Variants in RIPK2 observed in about 807,000 individuals in gnomAD.
RIPK2 encodes receptor-interacting serine/threonine-protein kinase 2.
In RIPK2, 38 loss-of-function variants were observed where a neutral mutation model predicts 60.9. That is an observed-to-expected ratio of 0.62 (90% CI 0.48 to 0.82). RIPK2 has a LOEUF of 0.82. Ranked by LOEUF, RIPK2 falls within the 40% of genes least tolerant of loss-of-function variation. The pLI is 0.00. For synonymous variants in RIPK2, 225 were observed against 223.4 expected (o/e 1.01, Z -0.06); for missense variants, 518 against 647.0 (o/e 0.80, Z 2.16).
At position 89,758,029 on chromosome 8, in the gene RIPK2, C is replaced by T. The variant is rs1809077724; in HGVS notation, c.-32C>T. The T allele has an allele frequency of 6.5e-7, 1 of 1,533,996 alleles. No homozygotes were observed. ...CCTTGGGAGCCGCCGCAGCAGGGGG[C>T]ACACCCGGAACCGGCCTGAGCGCCC... On this transcript the variant is annotated 5_prime_UTR_variant, in exon 1 of 11. Transcript: ENST00000220751.
intron 8 of RIPK2, 55 bp downstream of exon 8, chr8:89,784,194 A>C (rs1464660299): frequency 3.1e-5 from 36 of 1,150,136 alleles, no homozygotes; most frequent in Non-Finnish European, 4.3e-5. Context: ...TGTGAGAAGA[A>C]TTTGAAAAAA....
At chr8:89,787,889 TGAAA>T (rs1224630079) in intron 9 of RIPK2, among the ~76,000 whole-genome samples, 2 of 152,056 alleles carry the variant, frequency 1.3e-5, no homozygotes, top group African/African-American at 4.8e-5. Flanking sequence ...CGATACAGAA[TGAAA>T]GAAAGGAGGG....
intron 6 of RIPK2, among the ~76,000 whole-genome samples, chr8:89,775,732 A>G (rs43134): frequency 0.66 from 99,937 of 151,942 alleles, 34,658 homozygotes; most frequent in African/African-American, 0.89. Flanking sequence ...AGATCTGGTT[A>G]TAGAACCCTG....
intron 7 of RIPK2, among the ~76,000 whole-genome samples, chr8:89,783,338 C>T (rs1171597288): frequency 6.6e-6 from 1 of 152,166 alleles, no homozygotes; most frequent in African/African-American, 2.4e-5. Flanking sequence ...TTAAGTAAAT[C>T]ATCTACTCAG....
intron 5 of RIPK2, 111 bp from the exon 6 acceptor site, chr8:89,772,556 T>C: frequency 1.4e-6 from 1 of 732,278 alleles, no homozygotes; most frequent in Non-Finnish European, 2.2e-6. Context: ...GGGTAAGGCA[T>C]CATTCCTAAA....
chr8:89,785,290 C>A (rs1005588285), intron 8 of RIPK2, among the ~76,000 whole-genome samples: 1 of 152,098 alleles, frequency 6.6e-6, no homozygotes, highest in Non-Finnish European at 1.5e-5. Flanking sequence ...GCCTGGCCAA[C>A]ATGACAAAAC....
intron 9 of RIPK2, among the ~76,000 whole-genome samples, chr8:89,788,139 C>G (rs1041514633): frequency 6.6e-6 from 1 of 151,990 alleles, no homozygotes; most frequent in African/African-American, 2.4e-5. Context: ...GCCAGGAGTT[C>G]AAGACCAGCC....
At chr8:89,786,473 GA>G (rs112047259) in intron 8 of RIPK2, 119 bp from the exon 9 acceptor site, 18,364 of 520,536 alleles carry the variant, frequency 0.035, 284 homozygotes, top group African/African-American at 0.12. Context: ...GACCCTGTCT[GA>G]AAAAAAAAAA....
chr8:89,758,145 T>G lies in RIPK2; in HGVS notation c.85T>G (p.Ser29Ala). ...ADLRYLSRGA[S>A]GTVSSARHAD... is the part of the protein sequence containing the mutation. ...CCTGCGCTACCTGAGCCGCGGCGCCTCTGGCACTGTGTCGTCCGCCCGCCA... is the reference window on the plus strand; with the variant it reads ...CCTGCGCTACCTGAGCCGCGGCGCCGCTGGCACTGTGTCGTCCGCCCGCCA... The change falls in exon 1 of 11, where the codon TCT (serine) becomes GCT (alanine). Residue 29 changes from serine (S) to alanine (A), a missense_variant. Coordinates refer to ENST00000220751, the MANE Select transcript of RIPK2 (RefSeq NM_003821.6). The G allele has an allele frequency of 1.9e-6, 3 of 1,599,748 alleles. No individual in the cohort carries two copies. Among genetic ancestry groups the G allele is most frequent in the Non-Finnish European group, 2.6e-6 (3 of 1,174,368 alleles).
intron 8 of RIPK2, among the ~76,000 whole-genome samples, chr8:89,785,523 G>A (rs1809571982): frequency 6.6e-6 from 1 of 152,054 alleles, no homozygotes; most frequent in South Asian, 2.1e-4. Flanking sequence ...TGTATAAGGT[G>A]TATATGAAAC....
rs199959546 is a variant in RIPK2, at chr8:89,762,995, C to T, written c.327+13C>T. The T allele has an allele frequency of 1.3e-3, 1,826 of 1,389,800 alleles. 2 individuals are homozygous for T. Among genetic ancestry groups the T allele is most frequent in the Non-Finnish European group, 1.7e-3 (1,759 of 1,055,312 alleles). The allele number at this position is 1,389,800 out of a possible 1,614,324, so 86.1% of individuals were successfully genotyped here. On this transcript the variant is annotated intron_variant, in intron 2 of 10. Transcript: ENST00000220751. ...ACTCCTACATAGGGTAAGTATTACA[C>T]AGTTTTAGTGGCCATAATTGCCATT...
At chr8:89,762,697 G>C in intron 1 of RIPK2, 132 bp from the exon 2 acceptor site, 1 of 451,742 alleles carries the variant, frequency 2.2e-6, no homozygotes, top group Non-Finnish European at 3.9e-6. Context: ...TGAAACTAAG[G>C]TGCAGAGAAG....
rs779958169 is a variant in RIPK2, at chr8:89,762,981, G to C, written c.326G>C (p.Arg109Thr). 1.5e-5 allele frequency: 22 copies of C among 1,461,882 alleles called. No homozygotes were observed. The highest frequency in any genetic ancestry group is 7.3e-6 in the Non-Finnish European group (8 of 1,094,532). The allele number at this position is 1,461,882 out of a possible 1,614,324, so 90.6% of individuals were successfully genotyped here. ...GGATCATTAAATGAACTCCTACATA[G>C]GGTAAGTATTACACAGTTTTAGTGG... Reference protein sequence around the residue: ...PNGSLNELLHRKTEYPDVAWP... With the variant: ...PNGSLNELLHTKTEYPDVAWP... The change falls in exon 2 of 11, where the codon AGG becomes ACG. Residue 109 changes from arginine (R) to threonine (T), a missense_variant and splice_region_variant. Arg to Thr is a moderately conservative substitution (Grantham distance 71). Coordinates refer to ENST00000220751, the MANE Select transcript of RIPK2 (RefSeq NM_003821.6).
chr8:89,787,967 C>A (rs367577175), intron 9 of RIPK2, among the ~76,000 whole-genome samples: 1 of 151,760 alleles, frequency 6.6e-6, no homozygotes, highest in Admixed American at 6.6e-5. Context: ...CTTAGAGGAG[C>A]GATGAGAGAA....
At chr8:89,764,527 C>T (rs1809195025) in intron 2 of RIPK2, among the ~76,000 whole-genome samples, 2 of 152,144 alleles carry the variant, frequency 1.3e-5, no homozygotes, top group African/African-American at 4.8e-5. Flanking sequence ...GGTGATTCAT[C>T]GTGGATCTTC....
intron 1 of RIPK2, among the ~76,000 whole-genome samples, chr8:89,761,395 A>G (rs1809142758): frequency 6.6e-6 from 1 of 151,960 alleles, no homozygotes; most frequent in African/African-American, 2.4e-5. Flanking sequence ...TTAACCCCCT[A>G]CAGTCAGTCA....
At chr8:89,777,156 C>T (rs1026453502) in intron 6 of RIPK2, among the ~76,000 whole-genome samples, 21 of 152,200 alleles carry the variant, frequency 1.4e-4, no homozygotes, top group African/African-American at 4.8e-4. Context: ...CAGAGGGTTC[C>T]TCTCAAGTAT....
At chr8:89,781,531 C>T (rs917422844) in intron 7 of RIPK2, among the ~76,000 whole-genome samples, 1 of 151,970 alleles carries the variant, frequency 6.6e-6, no homozygotes, top group African/African-American at 2.4e-5. Context: ...CCACACTCAG[C>T]TACTTTTTAA....
chr8:89,787,433 C>A (rs896851206), intron 9 of RIPK2, among the ~76,000 whole-genome samples: 1 of 152,050 alleles, frequency 6.6e-6, no homozygotes, highest in Non-Finnish European at 1.5e-5. Context: ...ACATCTAAGA[C>A]TTTTGATAAA....
Sources: allele counts gnomAD v4.1 joint callset (sites outside exome capture counted in the v4.1 genomes callset), GRCh38; gene constraint gnomAD v4.1.1; transcripts MANE v1.5; gene names NCBI Gene and HGNC (gene_info 2026-07-23, HGNC 2026-07-21).